The following TEKT3 variants were observed in gnomAD, a reference collection of about 807,000 sequenced individuals.
The protein encoded by TEKT3 is tektin-3.
A neutral mutation model predicts 49.8 loss-of-function variants in TEKT3; 49 were observed. That is an observed-to-expected ratio of 0.98 (90% CI 0.78 to 1.25). The LOEUF (loss-of-function observed/expected upper bound fraction) is 1.25. Among genes scored for constraint, TEKT3 ranks in the 50% most tolerant of loss-of-function variants. TEKT3 has a pLI of 0.00. For missense variants in TEKT3, 595 were observed against 629.5 expected (o/e 0.95, Z 0.59); for synonymous variants, 225 against 237.2 (o/e 0.95, Z 0.47).
At chr17:15,307,538 G>C (rs115131826) in intron 8 of TEKT3, among the ~76,000 whole-genome samples, 1 of 152,122 alleles carries the variant, frequency 6.6e-6, no homozygotes, top group African/African-American at 2.4e-5. Flanking sequence ...ATTGATTATC[G>C]CCATCATTAT....
chr17:15,318,014 G>C (rs1382896494), intron 5 of TEKT3, among the ~76,000 whole-genome samples: 1 of 142,468 alleles, frequency 7.0e-6, no homozygotes, highest in Non-Finnish European at 1.5e-5. Flanking sequence ...TTTTGAGACG[G>C]AGTCTCGCTC....
In TEKT3 at chr17:15,329,784, C is replaced by A. The variant is rs113803327; in HGVS notation, c.579+1223G>T. Among the ~76,000 whole-genome samples the A allele has an allele frequency of 8.5e-5, 13 of 152,308 alleles. 1 individual carries two copies. Among genetic ancestry groups the A allele is most frequent in the African/African-American group, 2.9e-4 (12 of 41,568 alleles). The stretch of plus-strand genomic sequence containing the variant: ...CAGCTCCTTGATTCTCTAAACTCTT[C>A]TACTACAGATGCTGTGGTAGAGAAC... On this transcript the variant is annotated intron_variant, in intron 3 of 8. Transcript: ENST00000395930.
At position 15,304,011 on chromosome 17, in the gene TEKT3, C is replaced by T; in HGVS notation, c.1398G>A (p.Leu466=). ...EYDLAVKANS[L]YIDQEKCMSM... The stretch of plus-strand genomic sequence containing the variant: ...TCATGCATTTTTCCTGGTCGATGTA[C>T]AGGGAATTGGCTTTGACAGCCAGGT... Residue 466 remains leucine, a synonymous_variant, in exon 9 of 9, where the codon CTG becomes CTA. Coordinates refer to ENST00000395930, the MANE Select transcript of TEKT3 (RefSeq NM_031898.3). This position sits in a 1 kb window ranked among gnomAD's most constrained non-coding sequence, Gnocchi z 4.7. The T allele has an allele frequency of 9.3e-6, 15 of 1,614,124 alleles. No homozygotes were observed. Among genetic ancestry groups the T allele is most frequent in the Non-Finnish European group, 1.3e-5 (15 of 1,180,040 alleles).
At chr17:15,336,491 T>C (rs1194258993) in intron 2 of TEKT3, among the ~76,000 whole-genome samples, 1 of 151,830 alleles carries the variant, frequency 6.6e-6, no homozygotes, top group African/African-American at 2.4e-5. Context: ...AAGGAAATTA[T>C]ACCAGATGGA....
chr17:15,331,253 G>T lies in TEKT3; in HGVS notation c.333C>A (p.Asn111Lys), dbSNP rs1396400688. 1 of 1,614,110 alleles carries T rather than the reference G, an allele frequency of 6.2e-7. No individual in the cohort carries two copies. Among genetic ancestry groups the T allele is most frequent in the Non-Finnish European group, 8.5e-7 (1 of 1,180,050 alleles). ...RSNLTNYQESNTSRHNSEKLR... is the reference protein window; with the variant it reads ...RSNLTNYQESKTSRHNSEKLR... The stretch of plus-strand genomic sequence containing the variant: ...GTTTCTCCGAATTATGTCGGGAAGT[G>T]TTGGACTCTTGATAGTTGGTTAAAT... Residue 111 changes from asparagine (N) to lysine (K), a missense_variant, in exon 3 of 9, where the codon AAC (asparagine) becomes AAA (lysine). By Grantham distance (94) the Asn-to-Lys change is moderately conservative. Coordinates refer to ENST00000395930, the MANE Select transcript of TEKT3 (RefSeq NM_031898.3).
upstream of TEKT3, among the ~76,000 whole-genome samples, chr17:15,342,395 G>C (rs139421163): frequency 2.4e-3 from 358 of 152,312 alleles, no homozygotes; most frequent in African/African-American, 6.2e-3. Flanking sequence ...AATTCACCGA[G>C]TTACTTTGGT....
intron 5 of TEKT3, among the ~76,000 whole-genome samples, chr17:15,315,070 G>A (rs938058062): frequency 6.6e-6 from 1 of 152,188 alleles, no homozygotes; most frequent in Non-Finnish European, 1.5e-5. Flanking sequence ...ACACCATTCT[G>A]CAAGCCTGGG....
At chr17:15,320,277 C>T (rs1911195102) in intron 4 of TEKT3, among the ~76,000 whole-genome samples, 1 of 152,128 alleles carries the variant, frequency 6.6e-6, no homozygotes, top group Admixed American at 6.6e-5. Context: ...TTGCTTGTGT[C>T]AACTACCTGT....
chr17:15,328,177 T>C (rs900851056), intron 3 of TEKT3, 102 bp from the exon 4 acceptor site: 9 of 970,300 alleles, frequency 9.3e-6, no homozygotes, highest in Admixed American at 1.9e-5. Flanking sequence ...ATACTCCCAA[T>C]ACCAACTTTT....
chr17:15,335,564 T>C (rs893482607), intron 2 of TEKT3, among the ~76,000 whole-genome samples: 1 of 152,156 alleles, frequency 6.6e-6, no homozygotes, highest in Non-Finnish European at 1.5e-5. Context: ...GTCTCAAAGA[T>C]ATCAAGCTAA....
upstream of TEKT3, among the ~76,000 whole-genome samples, chr17:15,342,999 G>A (rs1467606925): frequency 6.6e-6 from 1 of 152,092 alleles, no homozygotes; most frequent in Non-Finnish European, 1.5e-5. Flanking sequence ...TATTCAGCAC[G>A]GGCTTTGCAG....
intron 7 of TEKT3, among the ~76,000 whole-genome samples, 166 bp downstream of exon 7, chr17:15,312,093 G>A (rs1910792077): frequency 6.6e-6 from 1 of 152,196 alleles, no homozygotes; most frequent in East Asian, 1.9e-4. Context: ...TGGCTACCTG[G>A]CTGAAATAAA....
intron 4 of TEKT3, among the ~76,000 whole-genome samples, chr17:15,323,823 G>C (rs1053268876): frequency 6.6e-6 from 1 of 152,116 alleles, no homozygotes; most frequent in Non-Finnish European, 1.5e-5. Context: ...AGTTTTTTGA[G>C]ATAAAGCCAC....
chr17:15,315,657 G>A (rs936649023), intron 5 of TEKT3, among the ~76,000 whole-genome samples: 1 of 151,958 alleles, frequency 6.6e-6, no homozygotes, highest in Non-Finnish European at 1.5e-5. Flanking sequence ...TAGGGGGTTG[G>A]CTGGGGAGGG....
At chr17:15,312,136 G>T in intron 7 of TEKT3, 123 bp downstream of exon 7, 1 of 861,304 alleles carries the variant, frequency 1.2e-6, no homozygotes, top group Non-Finnish European at 1.8e-6. Context: ...AATTTTTCTT[G>T]CTCTGTGTGG....
In TEKT3 at chr17:15,331,502, G is replaced by A. The variant is rs772149205; in HGVS notation, c.84C>T (p.Thr28=). 6.2e-7 allele frequency: 1 copy of A among 1,614,142 alleles called. No individual in the cohort carries two copies. Among genetic ancestry groups the A allele is most frequent in the South Asian group, 1.1e-5 (1 of 91,074 alleles). ...AGCGGTCCCTGTAGCTTGAGGCCAT[G>A]GTACTGATGGCTGGTAGAAAGTTGG... is the stretch of plus-strand genomic sequence containing the variant. ...TPTNFLPAIS[T]MASSYRDRFP... is the part of the protein sequence containing the mutation. The change falls in exon 3 of 9, where the codon ACC becomes ACT. Residue 28 remains threonine, a synonymous_variant. Transcript: ENST00000395930.
chr17:15,307,526 G>T (rs1459737625), intron 8 of TEKT3, among the ~76,000 whole-genome samples: 3 of 152,202 alleles, frequency 2.0e-5, no homozygotes, highest in African/African-American at 7.2e-5. Flanking sequence ...TATTATCATT[G>T]CATTGATTAT....
upstream of TEKT3, among the ~76,000 whole-genome samples, chr17:15,343,362 C>A (rs1272733632): frequency 6.6e-6 from 1 of 152,126 alleles, no homozygotes; most frequent in Admixed American, 6.5e-5. Flanking sequence ...AATTTAGATA[C>A]CCTCTCAAAA....
In TEKT3 at chr17:15,331,214, T is replaced by C. The variant is rs560459345; in HGVS notation, c.372A>G (p.Thr124=). ...GATATTTGTCTTGAATCAGGCGAGATGTATCCACTCTTAGTTTCTCCGAAT... is the reference window on the plus strand; with the variant it reads ...GATATTTGTCTTGAATCAGGCGAGACGTATCCACTCTTAGTTTCTCCGAAT... ...RHNSEKLRVD[T]SRLIQDKYQQ... Residue 124 remains threonine, a synonymous_variant, in exon 3 of 9, where the codon ACA becomes ACG. Coordinates refer to ENST00000395930, the MANE Select transcript of TEKT3 (RefSeq NM_031898.3). 23 of 1,614,236 alleles carry C rather than the reference T, an allele frequency of 1.4e-5. No homozygotes were observed. The highest frequency in any genetic ancestry group is 6.7e-5 in the East Asian group (3 of 44,890).
Sources: gnomAD v4.1 joint callset for allele counts (sites outside exome capture counted in the v4.1 genomes callset) on GRCh38, gnomAD v4.1.1 for gene constraint, Gnocchi (gnomAD v3.1) non-coding constraint, MANE v1.5 for transcripts, NCBI Gene and HGNC (gene_info 2026-07-23, HGNC 2026-07-21) for gene names.